The following PCK2 variants were observed in gnomAD, a reference collection of about 807,000 sequenced individuals.
The protein encoded by PCK2 is phosphoenolpyruvate carboxykinase 2, mitochondrial, also known as phosphoenolpyruvate carboxykinase [GTP], mitochondrial.
A neutral mutation model predicts 65.9 loss-of-function variants in PCK2; 56 were observed. The observed-to-expected ratio is 0.85, with a 90% confidence interval of 0.69 to 1.06. The LOEUF (loss-of-function observed/expected upper bound fraction) is 1.06, where lower values mean the gene tolerates loss of function less well. Ranked by LOEUF, PCK2 falls within the 50% of genes least tolerant of loss-of-function variation. The probability of loss-of-function intolerance (pLI) is 0.00; values close to 1 mark genes in which losing one functional copy is unlikely to be tolerated. For missense variants in PCK2, 843 were observed against 863.1 expected, an observed-to-expected ratio of 0.98 and a Z score of 0.29; for synonymous variants, 305 against 319.6, an observed-to-expected ratio of 0.95 and a Z score of 0.49.
intron 7 of PCK2, chr14:24,100,470 T>C (rs45571937): frequency 5.4e-4 from 465 of 868,468 alleles, no homozygotes; most frequent in Non-Finnish European, 6.9e-4. Context: ...GTAGTTGTGA[T>C]AGTACCTATC....
Position 24,100,014 on chromosome 14 carries a change from C to G in PCK2, c.1035C>G (p.Asn345Lys), listed in dbSNP as rs1001649291. Residue 345 changes from asparagine (N) to lysine (K), a missense_variant, in exon 7 of 10, where the codon AAC becomes AAG. By Grantham distance (94) the Asn-to-Lys change is moderately conservative (BLOSUM62 0). Coordinates refer to ENST00000216780, the MANE Select transcript of PCK2 (RefSeq NM_004563.4). Reference protein sequence around the residue: ...FDSEGRLRAINPENGFFGVAP... With the variant: ...FDSEGRLRAIKPENGFFGVAP... ...TAACAGGTCGACTCCGGGCCATCAA[C>G]CCTGAGAACGGCTTCTTTGGGGTTG... 6.2e-7 allele frequency: 1 copy of G among 1,614,202 alleles called. No individual in the cohort carries two copies. Among genetic ancestry groups the G allele is most frequent in the African/African-American group, 1.3e-5 (1 of 75,074 alleles).
rs144284959 is a variant in PCK2 at position 24,103,720 on chromosome 14, G to C, written c.1679G>C (p.Arg560Pro). The change falls in exon 10 of 10, where the codon CGG becomes CCG. Residue 560 changes from arginine to proline, a missense_variant. Transcript: ENST00000216780. The stretch of plus-strand genomic sequence containing the variant: ...GCTCGGGTGCTAGACTGGATCTGCC[G>C]GCGGTTAGAGGGGGAGGACAGTGCC... ...ENARVLDWICRRLEGEDSARE... is the reference protein window; with the variant it reads ...ENARVLDWICPRLEGEDSARE... 4 of 1,614,168 alleles carry C rather than the reference G, an allele frequency of 2.5e-6. No homozygotes were observed. In the South Asian group the frequency reaches 4.4e-5, roughly 18 times the overall value.
Position 24,099,108 on chromosome 14 carries a change from G to C in PCK2, c.724G>C (p.Asp242His). ...GAAAACCCTGATTGGCCACGTGCCC[G>C]ACCAGCGGGAGATCATCTCCTTCGG... Reference protein sequence around the residue: ...PEKTLIGHVPDQREIISFGSG... With the variant: ...PEKTLIGHVPHQREIISFGSG... The change falls in exon 5 of 10, where the codon GAC becomes CAC. Residue 242 changes from aspartate to histidine, a missense_variant. By Grantham distance (81) the Asp-to-His change is moderately conservative (BLOSUM62 -1). Transcript: ENST00000216780. 1 of 1,612,244 alleles carries C rather than the reference G, an allele frequency of 6.2e-7. No homozygotes were observed. Among genetic ancestry groups the C allele is most frequent in the Non-Finnish European group, 8.5e-7 (1 of 1,179,258 alleles).
chr14:24,097,163 A>G (rs748402841), intron 2 of PCK2, 26 bp downstream of exon 2: 2 of 1,609,826 alleles, frequency 1.2e-6, no homozygotes, highest in South Asian at 2.2e-5. Flanking sequence ...CACAACCTGC[A>G]GGATAGGTGC....
Position 24,098,222 on chromosome 14 carries a change from C to G in PCK2, c.295C>G (p.Pro99Ala). The G allele has an allele frequency of 6.2e-7, 1 of 1,612,372 alleles. No individual in the cohort carries two copies. Among genetic ancestry groups the G allele is most frequent in the Non-Finnish European group, 8.5e-7 (1 of 1,178,942 alleles). ...CCCCAGCTGGCTGGCCCGCACAGAC[C>G]CCAAGGATGTGGCACGAGTAGAGAG... Reference protein sequence around the residue: ...YNNCWLARTDPKDVARVESKT... With the variant: ...YNNCWLARTDAKDVARVESKT... Residue 99 changes from proline to alanine, a missense_variant, in exon 3 of 10, where the codon CCC becomes GCC. Pro to Ala is a conservative substitution (Grantham distance 27). Transcript: ENST00000216780.
At position 24,100,209 on chromosome 14, in the gene PCK2, A is replaced by G. The variant is rs2301336; in HGVS notation, c.1230A>G (p.Lys410=). The G allele has an allele frequency of 0.013, 21,574 of 1,614,062 alleles. 1,334 individuals carry two copies. The East Asian group carries it at 0.21, about 16-fold the overall frequency. The change falls in exon 7 of 10, where the codon AAA becomes AAG. Residue 410 remains lysine (K), a synonymous_variant. Coordinates refer to ENST00000216780, the MANE Select transcript of PCK2 (RefSeq NM_004563.4). The part of the protein sequence containing the change: ...TVTSWLGKPW[K]PGDKEPCAHP... ...CCTCCTGGCTGGGCAAACCCTGGAA[A>G]CCTGGTATGTGCGGTGGGGAAGGTG... is the stretch of plus-strand genomic sequence containing the variant.
rs1314131807 is a variant in PCK2 at position 24,103,570 on chromosome 14, A to G, written c.1529A>G (p.His510Arg). Residue 510 changes from histidine (H) to arginine (R), a missense_variant, in exon 10 of 10, where the codon CAC becomes CGC. Physicochemically the swap from His to Arg is conservative, Grantham distance 29 (BLOSUM62 0). Transcript: ENST00000216780. ...MRPFFGYNFG[H>R]YLEHWLSMEG... Reference sequence around the variant, plus strand: ...CCCTTTTTTGGCTACAACTTCGGGCACTACCTGGAACACTGGCTGAGCATG... The same window carrying G: ...CCCTTTTTTGGCTACAACTTCGGGCGCTACCTGGAACACTGGCTGAGCATG... 2 of 1,586,206 alleles carry G rather than the reference A, an allele frequency of 1.3e-6. No individual in the cohort carries two copies. Among genetic ancestry groups the G allele is most frequent in the Non-Finnish European group, 1.7e-6 (2 of 1,164,270 alleles).
In PCK2 at chr14:24,097,055, G is replaced by C. The variant is rs770407898; in HGVS notation, c.193G>C (p.Gly65Arg). 1 of 1,613,384 alleles carries C rather than the reference G, an allele frequency of 6.2e-7. No individual in the cohort carries two copies. Among genetic ancestry groups the C allele is most frequent in the Non-Finnish European group, 8.5e-7 (1 of 1,179,764 alleles). The change falls in exon 2 of 10, where the codon GGA (glycine) becomes CGA (arginine). Residue 65 changes from glycine (G) to arginine (R), a missense_variant. Physicochemically the swap from Gly to Arg is moderately radical, Grantham distance 125. Coordinates refer to ENST00000216780, the MANE Select transcript of PCK2 (RefSeq NM_004563.4). ...ACCAGAGGGCATCCACATCTGTGAT[G>C]GAACTGAGGCTGAGAATACTGCCAC... ...CQPEGIHICD[G>R]TEAENTATLT...
rs141040453 is a variant in PCK2, at chr14:24,103,848, T to C, written c.1807T>C (p.Trp603Arg). Residue 603 changes from tryptophan (W) to arginine (R), a missense_variant, in exon 10 of 10, where the codon TGG (tryptophan) becomes CGG (arginine). Transcript: ENST00000216780. ...GCTGTTCTCCCTCCCCAAGGACTTC[T>C]GGGAACAGGAGGTTCGTGACATTCG... ...TQLFSLPKDF[W>R]EQEVRDIRSY... The C allele has an allele frequency of 1.2e-6, 2 of 1,614,104 alleles. No homozygotes were observed. Among genetic ancestry groups the C allele is most frequent in the Non-Finnish European group, 1.7e-6 (2 of 1,179,992 alleles).
rs965122546 is a variant in PCK2 at position 24,094,633 on chromosome 14, C to T, written c.29+199C>T. 38 of 1,479,682 alleles carry T rather than the reference C, an allele frequency of 2.6e-5. No homozygotes were observed. Among genetic ancestry groups the T allele is most frequent in the Admixed American group, 2.0e-4 (9 of 45,982 alleles). 91.7% of individuals were successfully genotyped at this position (1,479,682 alleles called of 1,614,324 possible). On this transcript the variant is annotated intron_variant, in intron 1 of 9. Coordinates refer to ENST00000216780, the MANE Select transcript of PCK2 (RefSeq NM_004563.4). The surrounding 1 kb of genome is among the most constrained non-coding windows in gnomAD (Gnocchi z 4.1). ...GCAGCCGGCCGGTGCTCCTCGTTTC[C>T]GCCTGCACCTCCCCTTCTCTGCCTC...
chr14:24,098,908 T>C (rs1161265550), intron 4 of PCK2, 141 bp from the exon 5 acceptor site: 6 of 749,136 alleles, frequency 8.0e-6, no homozygotes, highest in African/African-American at 5.2e-5. Flanking sequence ...CTGATGGTTA[T>C]TATGAGGTGG....
rs1403174005 is a variant in PCK2, at chr14:24,094,868, A to G, written c.29+434A>G. On this transcript the variant is annotated intron_variant, in intron 1 of 9. Coordinates refer to ENST00000216780, the MANE Select transcript of PCK2 (RefSeq NM_004563.4). This position sits in a 1 kb window ranked among gnomAD's most constrained non-coding sequence, Gnocchi z 4.1. ...AGGGTACGTGAGCCCCGGGAGACTA[A>G]GCTCAGAGCCCCCTAAAGAAGGTGG... is the stretch of plus-strand genomic sequence containing the variant. 1.5e-6 allele frequency: 2 copies of G among 1,293,882 alleles called. No homozygotes were observed. Among genetic ancestry groups the G allele is most frequent in the Non-Finnish European group, 2.0e-6 (2 of 989,716 alleles). The allele number at this position is 1,293,882 out of a possible 1,614,324, so 80.2% of individuals were successfully genotyped here.
chr14:24,102,955 C>T (rs2037225148), intron 8 of PCK2, 65 bp downstream of exon 8: 2 of 1,495,160 alleles, frequency 1.3e-6, no homozygotes, highest in Non-Finnish European at 1.8e-6. Context: ...GCCTACCTCC[C>T]TCCCTCTGAT....
chr14:24,096,879 G>GT lies in PCK2; in HGVS notation c.30-10dup, dbSNP rs758093956. ...TGACAGCAACTAGCTCATTGCCTCT[G>GT]TTTCTCCTATAGGCTTAACTGGCAT... On this transcript the variant is annotated splice_polypyrimidine_tract_variant and intron_variant, in intron 1 of 9. Coordinates refer to ENST00000216780, the MANE Select transcript of PCK2 (RefSeq NM_004563.4). 2 of 1,606,694 alleles carry GT rather than the reference G, an allele frequency of 1.2e-6. No individual in the cohort carries two copies. Among genetic ancestry groups the GT allele is most frequent in the Non-Finnish European group, 1.7e-6 (2 of 1,175,842 alleles).
intron 2 of PCK2, among the ~76,000 whole-genome samples, chr14:24,097,622 G>A (rs2036953161): frequency 6.8e-6 from 1 of 146,710 alleles, no homozygotes; most frequent in Non-Finnish European, 1.5e-5. Flanking sequence ...GAGTCTCACT[G>A]TATCACCCAG....
Position 24,103,917 on chromosome 14 carries a change from G to C in PCK2, c.1876G>C (p.Val626Leu). ...GGTCAACCAGGATCTGCCCAAAGAG[G>C]TGTTGGCTGAGCTTGAGGCCCTGGA... ...EQVNQDLPKE[V>L]LAELEALERR... The change falls in exon 10 of 10, where the codon GTG (valine) becomes CTG (leucine). Residue 626 changes from valine (V) to leucine (L), a missense_variant. Transcript: ENST00000216780. 1 of 1,614,150 alleles carries C rather than the reference G, an allele frequency of 6.2e-7. No homozygotes were observed. The highest frequency in any genetic ancestry group is 8.5e-7 in the Non-Finnish European group (1 of 1,180,036).
At chr14:24,095,384 A>G (rs1486711201) in intron 1 of PCK2, 3 of 381,686 alleles carry the variant, frequency 7.9e-6, no homozygotes, top group Non-Finnish European at 1.6e-5. Flanking sequence ...CCCAGGTCCC[A>G]GTAGCCCTCC....
chr14:24,102,703 G>A, intron 7 of PCK2, 50 bp from the exon 8 acceptor site: 2 of 1,544,534 alleles, frequency 1.3e-6, no homozygotes, highest in Admixed American at 1.8e-5. Context: ...TGTGTGTGTT[G>A]GGGGTCGACA....
intron 9 of PCK2, 92 bp downstream of exon 9, chr14:24,103,347 T>C: frequency 8.4e-7 from 1 of 1,189,188 alleles, no homozygotes; most frequent in Non-Finnish European, 1.2e-6. Context: ...TGTCCACCCC[T>C]GGAGTCTGAT....
Sources: allele counts gnomAD v4.1 joint callset (sites outside exome capture counted in the v4.1 genomes callset), GRCh38; gene constraint gnomAD v4.1.1; non-coding constraint Gnocchi (gnomAD v3.1); transcripts MANE v1.5; gene names NCBI Gene and HGNC (gene_info 2026-07-23, HGNC 2026-07-21).